The following STX1A variants were observed in gnomAD, a reference collection of about 807,000 sequenced individuals.
STX1A encodes syntaxin 1A.
Under a neutral mutation model 37.8 loss-of-function variants are expected in STX1A, and 4 were observed. The ratio of observed to expected loss-of-function variants is 0.11; its 90% CI spans 0.05 to 0.24. The LOEUF is 0.24. STX1A is among the 10% of genes least tolerant of loss of function. STX1A has a pLI of 1.00. For missense variants in STX1A, 251 were observed against 399.9 expected (o/e 0.63, Z 3.18); for synonymous variants, 135 against 147.4 (o/e 0.92, Z 0.61).
rs1799026709 is a variant in STX1A at position 73,709,682 on chromosome 7, G to A, written c.31-560C>T. 6.6e-6 allele frequency among the ~76,000 whole-genome samples: 1 copy of A among 152,048 alleles called. No homozygotes were observed. The highest frequency in any genetic ancestry group is 1.5e-5 in the Non-Finnish European group (1 of 67,988). On this transcript the variant is annotated intron_variant, in intron 1 of 9. Coordinates refer to ENST00000222812, the MANE Select transcript of STX1A (RefSeq NM_004603.4). This position sits in a 1 kb window ranked among gnomAD's most constrained non-coding sequence, Gnocchi z 4.2. ...TCCCAACTCAGCATCCCGAGTAGCT[G>A]GAATTATAGGTTTCCACAACCATGC...
At chr7:73,707,704 C>T (rs1191604886) in intron 3 of STX1A, among the ~76,000 whole-genome samples, 4 of 151,774 alleles carry the variant, frequency 2.6e-5, no homozygotes, top group South Asian at 2.1e-4. Context: ...GAGGCCGAGG[C>T]GGGCGGATCA....
Position 73,700,676 on chromosome 7 carries a change from GGGGGTCCCTAAT to G in STX1A, c.789+42_789+53del. 6.2e-7 allele frequency: 1 copy of G among 1,604,172 alleles called. No individual in the cohort carries two copies. The highest frequency in any genetic ancestry group is 8.5e-7 in the Non-Finnish European group (1 of 1,174,330). On this transcript the variant is annotated intron_variant, in intron 9 of 9. Transcript: ENST00000222812. This position sits in a 1 kb window ranked among gnomAD's most constrained non-coding sequence, Gnocchi z 4.4. The stretch of plus-strand genomic sequence containing the variant: ...GGATGGGGAGGGATGTGGGATGGTT[GGGGGTCCCTAAT>G]GGGTGCTGGGGCATGGCCTTGGGCA...
rs1162637707 is a variant in STX1A, at chr7:73,709,925, T to C, written c.31-803A>G. Among the ~76,000 whole-genome samples, 1 of 151,694 alleles carries C rather than the reference T, an allele frequency of 6.6e-6. No individual in the cohort carries two copies. Among genetic ancestry groups the C allele is most frequent in the Non-Finnish European group, 1.5e-5 (1 of 67,908 alleles). On this transcript the variant is annotated intron_variant, in intron 1 of 9. Transcript: ENST00000222812. This position sits in a 1 kb window ranked among gnomAD's most constrained non-coding sequence, Gnocchi z 4.2. ...ATTTTTATTTTTGTAGAGACGGGGG[T>C]CTCACTGTGTTACCCAGGCTGGTCT...
rs896903390 is a variant in STX1A, at chr7:73,700,989, T to G, written c.679-149A>C. 83 of 1,454,844 alleles carry G rather than the reference T, an allele frequency of 5.7e-5. No individual in the cohort carries two copies. In the South Asian group the frequency reaches 9.6e-4, roughly 17 times the overall value. 90.1% of individuals were successfully genotyped at this position (1,454,844 alleles called of 1,614,324 possible). A position where few individuals can be genotyped will look rare whatever the true frequency, so the allele number is the denominator to read the frequency against. ...GGTACAGCTTCTCACCTGGGCCAGGTACCCTGGGTGGGGTGTAGAGGGCCA... is the reference window on the plus strand; with the variant it reads ...GGTACAGCTTCTCACCTGGGCCAGGGACCCTGGGTGGGGTGTAGAGGGCCA... On this transcript the variant is annotated intron_variant, in intron 8 of 9. Coordinates refer to ENST00000222812, the MANE Select transcript of STX1A (RefSeq NM_004603.4). The surrounding 1 kb of genome is among the most constrained non-coding windows in gnomAD (Gnocchi z 4.4).
Position 73,719,608 on chromosome 7 carries a change from G to A in STX1A, c.24C>T (p.Leu8=). The change falls in exon 1 of 10, where the codon CTC becomes CTT. Residue 8 remains leucine (L), a synonymous_variant. Coordinates refer to ENST00000222812, the MANE Select transcript of STX1A (RefSeq NM_004603.4). MKDRTQE[L]RTAKDSDDDD... ...GCGCTGGGGCCGGACTCACCGTGCG[G>A]AGCTCCTGGGTTCGGTCCTTCATGC... is the stretch of plus-strand genomic sequence containing the variant. The A allele has an allele frequency of 8.3e-7, 1 of 1,206,366 alleles. No homozygotes were observed. The highest frequency in any genetic ancestry group is 1.0e-6 in the Non-Finnish European group (1 of 966,326). The allele number at this position is 1,206,366 out of a possible 1,614,324, so 74.7% of individuals were successfully genotyped here.
In STX1A at chr7:73,709,087, G is replaced by A; in HGVS notation, c.66C>T (p.Val22=). Reference sequence around the variant, plus strand: ...CCATGAAGCGGTCTCGGTCCACGGTGACAGCGACATCATCATCATCATCGC... The same window carrying A: ...CCATGAAGCGGTCTCGGTCCACGGTAACAGCGACATCATCATCATCATCGC... ...KDSDDDDDVA[V]TVDRDRFMDE... Residue 22 remains valine (V), a synonymous_variant, in exon 2 of 10, where the codon GTC becomes GTT. Transcript: ENST00000222812. The surrounding 1 kb of genome is among the most constrained non-coding windows in gnomAD (Gnocchi z 4.2). 1.2e-6 allele frequency: 2 copies of A among 1,614,020 alleles called. No individual in the cohort carries two copies. Among genetic ancestry groups the A allele is most frequent in the Non-Finnish European group, 1.7e-6 (2 of 1,180,028 alleles).
Position 73,700,991 on chromosome 7 carries a change from C to T in STX1A, c.679-151G>A, listed in dbSNP as rs1798632360. The T allele has an allele frequency of 1.4e-6, 2 of 1,467,664 alleles. No individual in the cohort carries two copies. Among genetic ancestry groups the T allele is most frequent in the African/African-American group, 1.4e-5 (1 of 71,738 alleles). The allele number at this position is 1,467,664 out of a possible 1,614,324, so 90.9% of individuals were successfully genotyped here. Reference sequence around the variant, plus strand: ...TACAGCTTCTCACCTGGGCCAGGTACCCTGGGTGGGGTGTAGAGGGCCAGG... The same window carrying T: ...TACAGCTTCTCACCTGGGCCAGGTATCCTGGGTGGGGTGTAGAGGGCCAGG... On this transcript the variant is annotated intron_variant, in intron 8 of 9. Coordinates refer to ENST00000222812, the MANE Select transcript of STX1A (RefSeq NM_004603.4). The surrounding 1 kb of genome is among the most constrained non-coding windows in gnomAD (Gnocchi z 4.4).
At chr7:73,704,123 G>T in intron 6 of STX1A, 25 bp downstream of exon 6, 2 of 685,548 alleles carry the variant, frequency 2.9e-6, no homozygotes, top group Non-Finnish European at 4.7e-6. Flanking sequence ...TCCAGGCCCC[G>T]CCCCAGGCCC....
In STX1A at chr7:73,699,581, C is replaced by G. The variant is rs1255390460; in HGVS notation, c.*826G>C. 1.3e-5 allele frequency: 2 copies of G among 152,666 alleles called. No homozygotes were observed. The highest frequency in any genetic ancestry group is 4.8e-5 in the African/African-American group (2 of 41,448). The allele number at this position is 152,666 out of a possible 1,614,324, so 9.5% of individuals were successfully genotyped here. On this transcript the variant is annotated 3_prime_UTR_variant, in exon 10 of 10. Transcript: ENST00000222812. ...CACATCGATGGGAGGATGGCAAGGG[C>G]AGGATGAGACTGCAGGCCTGAAATG...
chr7:73,705,676 C>G lies in STX1A; in HGVS notation c.209-452G>C, dbSNP rs1440385667. On this transcript the variant is annotated intron_variant, in intron 3 of 9. Coordinates refer to ENST00000222812, the MANE Select transcript of STX1A (RefSeq NM_004603.4). This position sits in a 1 kb window ranked among gnomAD's most constrained non-coding sequence, Gnocchi z 5.2. ...GCAGGGGGTTGACAGGGGACCACCC[C>G]ACACTCCCTGAGTCATATGCGCAAA... The G allele has an allele frequency of 5.0e-6, 1 of 198,706 alleles. No homozygotes were observed. Among genetic ancestry groups the G allele is most frequent in the Non-Finnish European group, 1.0e-5 (1 of 96,564 alleles). 12.3% of individuals were successfully genotyped at this position (198,706 alleles called of 1,614,324 possible).
chr7:73,714,944 G>A (rs1799238068), intron 1 of STX1A, among the ~76,000 whole-genome samples: 1 of 151,974 alleles, frequency 6.6e-6, no homozygotes, highest in African/African-American at 2.4e-5. Context: ...GGTCAACATG[G>A]CAAAACCCCA....
intron 1 of STX1A, among the ~76,000 whole-genome samples, chr7:73,715,227 T>A (rs782139265): frequency 6.6e-6 from 1 of 151,014 alleles, no homozygotes; most frequent in Non-Finnish European, 1.5e-5. Context: ...ATCGAGGCCA[T>A]CCTGCCCAAC....
At chr7:73,701,829 T>C (rs972690268) in intron 8 of STX1A, among the ~76,000 whole-genome samples, 1 of 152,098 alleles carries the variant, frequency 6.6e-6, no homozygotes, top group African/African-American at 2.4e-5. Flanking sequence ...GTGGCTCACA[T>C]CTATGATCCC....
At chr7:73,716,481 G>T (rs983145274) in intron 1 of STX1A, 1 of 152,412 alleles carries the variant, frequency 6.6e-6, no homozygotes, top group East Asian at 1.9e-4. Flanking sequence ...GGCACTTCAG[G>T]GGGCCCCAGA....
chr7:73,710,195 C>G (rs564950413), intron 1 of STX1A, among the ~76,000 whole-genome samples: 2 of 152,384 alleles, frequency 1.3e-5, no homozygotes, highest in East Asian at 3.9e-4. Flanking sequence ...ACCAGCTGTA[C>G]AAAAGCCACC....
In STX1A at chr7:73,719,612, T is replaced by C; in HGVS notation, c.20A>G (p.Glu7Gly). ...TGGGGCCGGACTCACCGTGCGGAGC[T>C]CCTGGGTTCGGTCCTTCATGCTCCC... is the stretch of plus-strand genomic sequence containing the variant. MKDRTQ[E>G]LRTAKDSDDD... The change falls in exon 1 of 10, where the codon GAG (glutamate) becomes GGG (glycine). Residue 7 changes from glutamate to glycine, a missense_variant. Transcript: ENST00000222812. The C allele has an allele frequency of 8.3e-7, 1 of 1,205,124 alleles. No homozygotes were observed. The allele number at this position is 1,205,124 out of a possible 1,614,324, so 74.7% of individuals were successfully genotyped here.
intron 3 of STX1A, among the ~76,000 whole-genome samples, chr7:73,708,345 C>G (rs1554617368): frequency 1.3e-5 from 2 of 152,152 alleles, no homozygotes; most frequent in Non-Finnish European, 2.9e-5. Flanking sequence ...CTCCCATCAC[C>G]CAAGTCTTTC....
intron 1 of STX1A, among the ~76,000 whole-genome samples, chr7:73,711,833 C>T (rs1156521519): frequency 6.6e-6 from 1 of 152,144 alleles, no homozygotes; most frequent in Non-Finnish European, 1.5e-5. Context: ...GAACCCCTGT[C>T]CTGCCCTCAG....
chr7:73,713,274 G>A (rs868985002), intron 1 of STX1A, among the ~76,000 whole-genome samples: 8 of 152,154 alleles, frequency 5.3e-5, no homozygotes, highest in Non-Finnish European at 1.2e-4. Context: ...CATTGGACAC[G>A]GAATAAACTG....
Sources: gnomAD v4.1 joint callset for allele counts (sites outside exome capture counted in the v4.1 genomes callset) on GRCh38, gnomAD v4.1.1 for gene constraint, Gnocchi (gnomAD v3.1) non-coding constraint, MANE v1.5 for transcripts, NCBI Gene and HGNC (gene_info 2026-07-23, HGNC 2026-07-21) for gene names.